Variants in RPS6KA2 observed in about 807,000 individuals in gnomAD.
RPS6KA2 encodes the protein ribosomal protein S6 kinase alpha-2.
Under a neutral mutation model 91.8 loss-of-function variants are expected in RPS6KA2, and 42 were observed. That is an observed-to-expected ratio of 0.46 (90% confidence interval 0.36 to 0.59). RPS6KA2 has a LOEUF of 0.59. RPS6KA2 is among the 20% of genes least tolerant of loss of function. The pLI, the probability that RPS6KA2 is intolerant of heterozygous loss-of-function variation, is 0.00. For missense variants in RPS6KA2, 798 were observed against 978.5 expected (o/e 0.82, Z 2.46); for synonymous variants, 414 against 393.6 (o/e 1.05, Z -0.61).
At chr6:166,837,996 G>A (rs9457228) in intron 2 of RPS6KA2, among the ~76,000 whole-genome samples, 28,253 of 152,248 alleles carry the variant, frequency 0.19, 2,859 homozygotes, top group African/African-American at 0.23. Context: ...TTTGACTTCT[G>A]TGTCTGAGAC....
At chr6:166,499,148 C>T (rs1781918952) in intron 7 of RPS6KA2, among the ~76,000 whole-genome samples, 1 of 152,130 alleles carries the variant, frequency 6.6e-6, no homozygotes, top group African/African-American at 2.4e-5. Flanking sequence ...GCGGAGGAGG[C>T]CTGGGGAGCA....
chr6:166,847,548 G>A (rs4710116), intron 2 of RPS6KA2, among the ~76,000 whole-genome samples: 16,719 of 152,146 alleles, frequency 0.11, 982 homozygotes, highest in Admixed American at 0.18. Flanking sequence ...CATGGTACTT[G>A]AATAAAAATA....
intron 2 of RPS6KA2, chr6:166,858,079 C>A: frequency 1.3e-6 from 1 of 742,046 alleles, no homozygotes; most frequent in Non-Finnish European, 2.5e-6. Flanking sequence ...TATAGAGACA[C>A]ATATGTCACT....
At chr6:166,809,168 T>G (rs897406179) in intron 2 of RPS6KA2, among the ~76,000 whole-genome samples, 8 of 152,094 alleles carry the variant, frequency 5.3e-5, no homozygotes, top group Non-Finnish European at 1.2e-4. Flanking sequence ...ATGAAGAAGA[T>G]GAGGGCACAT....
chr6:166,470,975 G>A (rs1207244290), intron 10 of RPS6KA2, among the ~76,000 whole-genome samples: 3 of 152,164 alleles, frequency 2.0e-5, no homozygotes, highest in African/African-American at 4.8e-5. Context: ...GGCTGGAAGG[G>A]GCAGTGGCGG....
At chr6:166,683,040 C>T (rs1246794622) in intron 2 of RPS6KA2, among the ~76,000 whole-genome samples, 1 of 152,170 alleles carries the variant, frequency 6.6e-6, no homozygotes, top group Non-Finnish European at 1.5e-5. Flanking sequence ...TCAGATGGGT[C>T]TCGCCGCTTG....
At chr6:166,818,639 T>C (rs1779829874) in intron 2 of RPS6KA2, among the ~76,000 whole-genome samples, 1 of 152,188 alleles carries the variant, frequency 6.6e-6, no homozygotes, top group African/African-American at 2.4e-5. Flanking sequence ...CCGTTGCCTG[T>C]GCTTGTTATT....
chr6:166,579,658 T>C (rs1017100744), intron 1 of RPS6KA2, among the ~76,000 whole-genome samples: 1 of 152,188 alleles, frequency 6.6e-6, no homozygotes, highest in Admixed American at 6.5e-5. Context: ...ATGTGTCATG[T>C]TACAAGAAGG....
At chr6:166,680,734 C>T (rs1788775812) in intron 2 of RPS6KA2, among the ~76,000 whole-genome samples, 1 of 152,186 alleles carries the variant, frequency 6.6e-6, no homozygotes, top group South Asian at 2.1e-4. Flanking sequence ...ATCTGAACAT[C>T]TGAAGGAACA....
rs1778333635 is a variant in RPS6KA2 at position 166,767,195 on chromosome 6, T to C, written c.123+91005A>G. Among the ~76,000 whole-genome samples the C allele has an allele frequency of 6.6e-6, 1 of 152,180 alleles. No individual in the cohort carries two copies. Among genetic ancestry groups the C allele is most frequent in the African/African-American group, 2.4e-5 (1 of 41,436 alleles). ...GACTTTTGTATTTTATCCCCTAGAC[T>C]CTGCCCAGTTTTTAATGTCGCCTAT... On this transcript the variant is annotated intron_variant, in intron 2 of 21. Coordinates refer to the RPS6KA2 transcript ENST00000503859. This position sits in a 1 kb window ranked among gnomAD's most constrained non-coding sequence, Gnocchi z 4.6.
At chr6:166,632,201 G>A (rs1479067166), upstream of RPS6KA2, among the ~76,000 whole-genome samples, 1 of 152,072 alleles carries the variant, frequency 6.6e-6, no homozygotes, top group East Asian at 1.9e-4. Flanking sequence ...ATGTCCCCAG[G>A]CCCACCTGTG....
chr6:166,584,406 A>C (rs1360096123), intron 1 of RPS6KA2, among the ~76,000 whole-genome samples: 2 of 152,228 alleles, frequency 1.3e-5, no homozygotes, highest in Non-Finnish European at 2.9e-5. Flanking sequence ...AAATGTGAAC[A>C]TGGAGGGATA....
intron 2 of RPS6KA2, among the ~76,000 whole-genome samples, chr6:166,656,652 C>T (rs1788010555): frequency 6.6e-6 from 1 of 152,234 alleles, no homozygotes; most frequent in Admixed American, 6.5e-5. Context: ...TTTCCCGGAG[C>T]TCCCAGCTGA....
chr6:166,785,788 C>T (rs1477226068), intron 2 of RPS6KA2, among the ~76,000 whole-genome samples: 3 of 152,164 alleles, frequency 2.0e-5, no homozygotes, highest in East Asian at 1.9e-4. Context: ...TTTACTACAA[C>T]GATCTTATTT....
At chr6:166,774,885 TC>T (rs1778572990) in intron 2 of RPS6KA2, among the ~76,000 whole-genome samples, 2 of 147,824 alleles carry the variant, frequency 1.4e-5, no homozygotes, top group African/African-American at 2.7e-5. Context: ...AGGAGTCGGA[TC>T]CCCAGGTGCT....
At chr6:166,857,138 A>G (rs4710123) in intron 2 of RPS6KA2, among the ~76,000 whole-genome samples, 4,282 of 152,362 alleles carry the variant, frequency 0.028, 254 homozygotes, top group East Asian at 0.27. Flanking sequence ...TGGTGTGCAT[A>G]GGTTTAGATG....
In RPS6KA2 at chr6:166,821,202, T is replaced by A. The variant is rs1779896495; in HGVS notation, c.123+36998A>T. Among the ~76,000 whole-genome samples, 1 of 152,104 alleles carries A rather than the reference T, an allele frequency of 6.6e-6. No individual in the cohort carries two copies. Among genetic ancestry groups the A allele is most frequent in the Non-Finnish European group, 1.5e-5 (1 of 68,012 alleles). Reference sequence around the variant, plus strand: ...ACATCTAGCAAATTTGAAGTGTTATTTCGAATTGCTTAGTGGCTTTATTTT... The same window carrying A: ...ACATCTAGCAAATTTGAAGTGTTATATCGAATTGCTTAGTGGCTTTATTTT... On this transcript the variant is annotated intron_variant, in intron 2 of 21. Coordinates refer to the RPS6KA2 transcript ENST00000503859. This position sits in a 1 kb window ranked among gnomAD's most constrained non-coding sequence, Gnocchi z 4.1.
chr6:166,491,387 A>G (rs1220057915), intron 8 of RPS6KA2, among the ~76,000 whole-genome samples: 2 of 152,028 alleles, frequency 1.3e-5, no homozygotes, highest in East Asian at 3.9e-4. Flanking sequence ...TCTTGCACCA[A>G]CTCCCCCGGG....
chr6:166,579,990 C>T (rs564121835), intron 1 of RPS6KA2, among the ~76,000 whole-genome samples: 1 of 152,358 alleles, frequency 6.6e-6, no homozygotes, highest in South Asian at 2.1e-4. Flanking sequence ...CCTTTAGAAT[C>T]ACGGCACTTC....
Sources: gnomAD v4.1 joint callset for allele counts (sites outside exome capture counted in the v4.1 genomes callset) on GRCh38, gnomAD v4.1.1 for gene constraint, Gnocchi (gnomAD v3.1) non-coding constraint, MANE v1.5 for transcripts, NCBI Gene and HGNC (gene_info 2026-07-23, HGNC 2026-07-21) for gene names.